CAMK1D: variants seen among roughly 807,000 people sequenced by gnomAD.
CAMK1D encodes the protein calcium/calmodulin-dependent protein kinase type 1D.
CAMK1D carries 9 observed loss-of-function variants against 47.7 expected under a neutral mutation model. The ratio of observed to expected loss-of-function variants is 0.19; its 90% CI spans 0.11 to 0.33. CAMK1D has a LOEUF of 0.33. CAMK1D is among the 10% of genes least tolerant of loss of function. The pLI is 1.00. For missense variants in CAMK1D, 291 were observed against 488.7 expected (o/e 0.60, Z 3.81); for synonymous variants, 184 against 184.9 (o/e 0.99, Z 0.04).
At chr10:12,392,929 TACAC>T (rs3995725) in intron 1 of CAMK1D, among the ~76,000 whole-genome samples, 121,969 of 151,444 alleles carry the variant, frequency 0.81, 51,205 homozygotes, top group East Asian at 0.93. Flanking sequence ...TTTGAAAGTA[TACAC>T]ACACACAACA....
At chr10:12,771,205 C>T (rs911712433) in intron 5 of CAMK1D, among the ~76,000 whole-genome samples, 1 of 152,208 alleles carries the variant, frequency 6.6e-6, no homozygotes, top group Non-Finnish European at 1.5e-5. Context: ...GCCAGGATTA[C>T]AGGCATGAGC....
At chr10:12,570,914 G>A (rs1201603279) in intron 2 of CAMK1D, among the ~76,000 whole-genome samples, 4 of 152,106 alleles carry the variant, frequency 2.6e-5, no homozygotes, top group African/African-American at 9.7e-5. Flanking sequence ...TTGCGTCACT[G>A]CACTCTAGCC....
At chr10:12,664,738 C>T (rs4417163) in intron 2 of CAMK1D, among the ~76,000 whole-genome samples, 64,619 of 152,052 alleles carry the variant, frequency 0.42, 14,638 homozygotes, top group Non-Finnish European at 0.48. Context: ...ATACTTGGGA[C>T]GTACTTAAAC....
chr10:12,628,548 A>G (rs1380909669), intron 2 of CAMK1D, among the ~76,000 whole-genome samples: 2 of 152,212 alleles, frequency 1.3e-5, no homozygotes, highest in African/African-American at 4.8e-5. Flanking sequence ...TTAGGGTGGT[A>G]CATTTGTTAT....
At chr10:12,769,932 C>T in intron 5 of CAMK1D, 133 bp downstream of exon 5, 2 of 934,240 alleles carry the variant, frequency 2.1e-6, no homozygotes, top group Non-Finnish European at 3.2e-6. Context: ...CTTCACTTCC[C>T]CTGGGGGAAA....
chr10:12,588,883 T>TGTGTGC (rs767712081), intron 2 of CAMK1D, among the ~76,000 whole-genome samples: 3 of 136,268 alleles, frequency 2.2e-5, no homozygotes, highest in South Asian at 4.5e-4. Context: ...TGTGTGTGTG[T>TGTGTGC]GCGTGCGTGT....
intron 1 of CAMK1D, among the ~76,000 whole-genome samples, chr10:12,484,331 G>A (rs1026797717): frequency 2.0e-5 from 3 of 152,170 alleles, no homozygotes; most frequent in Admixed American, 6.5e-5. Flanking sequence ...ACAGGAAAAC[G>A]CGTGAACTCT....
intron 3 of CAMK1D, among the ~76,000 whole-genome samples, chr10:12,674,794 G>A (rs1840748871): frequency 6.6e-6 from 1 of 151,804 alleles, no homozygotes; most frequent in African/African-American, 2.4e-5. Flanking sequence ...AGCACTTTGG[G>A]AGGCTGAGGC....
intron 3 of CAMK1D, among the ~76,000 whole-genome samples, chr10:12,686,697 G>T (rs186161742): frequency 6.6e-6 from 1 of 152,042 alleles, no homozygotes; most frequent in Non-Finnish European, 1.5e-5. Flanking sequence ...GGAAGTGTCC[G>T]GAGGAATATA....
intron 1 of CAMK1D, among the ~76,000 whole-genome samples, chr10:12,540,118 G>A (rs1027505443): frequency 2.7e-5 from 4 of 148,404 alleles, no homozygotes; most frequent in African/African-American, 1.0e-4. Context: ...TTGGAGAGTT[G>A]GGGGTCTTGC....
At chr10:12,532,569 G>A (rs1835844692) in intron 1 of CAMK1D, among the ~76,000 whole-genome samples, 2 of 152,190 alleles carry the variant, frequency 1.3e-5, no homozygotes, top group African/African-American at 4.8e-5. Context: ...GTGAGCCACC[G>A]TGCCCGGCCT....
At position 12,607,224 on chromosome 10, in the gene CAMK1D, C is replaced by T. The variant is rs147823553; in HGVS notation, c.224+53868C>T. Among the ~76,000 whole-genome samples the T allele has an allele frequency of 5.3e-4, 81 of 152,304 alleles. No homozygotes were observed. In the Middle Eastern group the frequency reaches 0.01, roughly 19 times the overall value. On this transcript the variant is annotated intron_variant, in intron 2 of 10. Coordinates refer to ENST00000619168, the MANE Select transcript of CAMK1D (RefSeq NM_153498.4). ...TGCCCATTTATGCTTCTTTCCCTTC[C>T]GGCCTCCCTCCCTTTCTTCTTTCCT...
At chr10:12,551,507 C>A (rs528431630) in intron 1 of CAMK1D, among the ~76,000 whole-genome samples, 83 of 152,278 alleles carry the variant, frequency 5.5e-4, no homozygotes, top group African/African-American at 1.9e-3. Flanking sequence ...ATAATCCCAG[C>A]ACTTTGGGAG....
chr10:12,771,611 G>C (rs1206135100), intron 5 of CAMK1D, among the ~76,000 whole-genome samples: 7 of 152,204 alleles, frequency 4.6e-5, no homozygotes, highest in Non-Finnish European at 7.3e-5. Flanking sequence ...GTTTAGAAGC[G>C]GGGAGATGCA....
intron 1 of CAMK1D, among the ~76,000 whole-genome samples, chr10:12,388,893 A>G (rs1838619016): frequency 6.6e-6 from 1 of 152,180 alleles, no homozygotes; most frequent in Non-Finnish European, 1.5e-5. Context: ...CTGTTCTAGA[A>G]AGCCTGTCGT....
intron 1 of CAMK1D, among the ~76,000 whole-genome samples, chr10:12,387,390 TTA>T (rs1220461982): frequency 6.3e-5 from 2 of 31,986 alleles, no homozygotes; most frequent in African/African-American, 1.2e-4. Flanking sequence ...ATTATATATA[TTA>T]TATATTTTTA....
chr10:12,396,307 G>A (rs1309577379), intron 1 of CAMK1D, among the ~76,000 whole-genome samples: 1 of 152,152 alleles, frequency 6.6e-6, no homozygotes, highest in Non-Finnish European at 1.5e-5. Context: ...TATTGTGTCC[G>A]CATCATTGTC....
intron 1 of CAMK1D, among the ~76,000 whole-genome samples, chr10:12,522,863 G>T (rs1835473717): frequency 2.2e-5 from 2 of 92,590 alleles, no homozygotes. Context: ...CGGCTGGCCG[G>T]GCGGGGGCTG....
chr10:12,651,593 G>T (rs1048615264), intron 2 of CAMK1D, among the ~76,000 whole-genome samples: 1 of 151,814 alleles, frequency 6.6e-6, no homozygotes, highest in African/African-American at 2.4e-5. Flanking sequence ...GGAGAGACGG[G>T]ATTTCACCGT....
Sources: allele counts gnomAD v4.1 joint callset (sites outside exome capture counted in the v4.1 genomes callset), GRCh38; gene constraint gnomAD v4.1.1; transcripts MANE v1.5; gene names NCBI Gene and HGNC (gene_info 2026-07-23, HGNC 2026-07-21).